The following OPHN1 variants were observed in gnomAD, a reference collection of about 807,000 sequenced individuals.
The protein encoded by OPHN1 is oligophrenin 1, also known as oligophrenin-1.
In OPHN1, 11 loss-of-function variants were observed where a neutral mutation model predicts 60.7. The observed-to-expected ratio is 0.18, with a 90% CI of 0.11 to 0.30. The LOEUF (loss-of-function observed/expected upper bound fraction) is 0.30, where lower values mean the gene tolerates loss of function less well. OPHN1 is among the 10% of genes least tolerant of loss of function. The probability of loss-of-function intolerance (pLI) is 1.00; values close to 1 mark genes in which losing one functional copy is unlikely to be tolerated. For missense variants in OPHN1, 449 were observed against 611.0 expected (o/e 0.73, Z 2.80); for synonymous variants, 226 against 222.6 (o/e 1.02, Z -0.14).
chrX:68,321,525 G>A (rs1874433544), intron 2 of OPHN1, among the ~76,000 whole-genome samples: 2 of 111,757 alleles, frequency 1.8e-5, no homozygotes, highest in Non-Finnish European at 3.8e-5. Context: ...AGGTTTGCAG[G>A]CTTCCATTCT....
intron 15 of OPHN1, among the ~76,000 whole-genome samples, chrX:68,130,703 A>G (rs2077190628): frequency 9.0e-6 from 1 of 111,593 alleles, no homozygotes; most frequent in Admixed American, 9.5e-5. Context: ...TGCCCTTCAC[A>G]TAACAAAAAG....
intron 15 of OPHN1, among the ~76,000 whole-genome samples, chrX:68,135,721 A>C (rs917626892): frequency 8.9e-6 from 1 of 112,449 alleles, no homozygotes; most frequent in African/African-American, 3.2e-5. Context: ...TTATGTATAT[A>C]ATTTGAAATA....
At chrX:68,366,997 T>A (rs917470576) in intron 2 of OPHN1, among the ~76,000 whole-genome samples, 4 of 110,852 alleles carry the variant, frequency 3.6e-5, no homozygotes, top group Non-Finnish European at 7.5e-5. Flanking sequence ...AAAAGAGTAG[T>A]CAGAGTGACA....
intron 5 of OPHN1, among the ~76,000 whole-genome samples, chrX:68,269,492 A>C (rs1483552739): frequency 8.9e-6 from 1 of 111,855 alleles, no homozygotes; most frequent in Non-Finnish European, 1.9e-5. Flanking sequence ...TGGGGAAACG[A>C]TTCCCTATTT....
At chrX:68,218,878 G>A (rs1342462740) in intron 6 of OPHN1, among the ~76,000 whole-genome samples, 2 of 90,927 alleles carry the variant, frequency 2.2e-5, no homozygotes, top group African/African-American at 8.1e-5. Context: ...CAACTAACGA[G>A]CAAAATAACC....
At chrX:68,323,004 A>G (rs1213808211) in intron 2 of OPHN1, among the ~76,000 whole-genome samples, 1 of 111,750 alleles carries the variant, frequency 8.9e-6, no homozygotes, top group East Asian at 2.8e-4. Flanking sequence ...TAGTTGCCAG[A>G]GGATACATGT....
At chrX:68,265,056 C>T (rs991188018) in intron 5 of OPHN1, among the ~76,000 whole-genome samples, 2 of 112,477 alleles carry the variant, frequency 1.8e-5, no homozygotes, top group African/African-American at 6.5e-5. Flanking sequence ...TGGAGCCCAC[C>T]GCAGCTCAAG....
intron 5 of OPHN1, among the ~76,000 whole-genome samples, chrX:68,256,084 C>T (rs961991893): frequency 9.0e-6 from 1 of 111,000 alleles, no homozygotes; most frequent in Non-Finnish European, 1.9e-5. Flanking sequence ...CTGCTCACTG[C>T]GAATGCACCA....
Position 68,049,029 on chromosome X carries a change from A to C in OPHN1, c.2376-572T>G, listed in dbSNP as rs2076841716. On this transcript the variant is annotated intron_variant, in intron 23 of 24. Coordinates refer to ENST00000355520, the MANE Select transcript of OPHN1 (RefSeq NM_002547.3). ...TTTCTCTTCTCTCCAGTCTGTTTAC[A>C]CTTACTCCCTGGAGGATCTTATTCC... 2.7e-5 allele frequency among the ~76,000 whole-genome samples: 3 copies of C among 111,194 alleles called. No individual in the cohort carries two copies. In the South Asian group the frequency reaches 1.1e-3, roughly 43 times the overall value.
At chrX:68,183,696 T>C (rs2077448935) in intron 15 of OPHN1, among the ~76,000 whole-genome samples, 1 of 112,380 alleles carries the variant, frequency 8.9e-6, no homozygotes, top group African/African-American at 3.2e-5. Flanking sequence ...TACTATTCTT[T>C]GTTGAAGGTG....
At chrX:68,342,860 G>A (rs185011436) in intron 2 of OPHN1, among the ~76,000 whole-genome samples, 74 of 111,722 alleles carry the variant, frequency 6.6e-4, no homozygotes, top group African/African-American at 2.3e-3. Context: ...AGGATCACCT[G>A]AGCCTGAGAG....
intron 12 of OPHN1, among the ~76,000 whole-genome samples, chrX:68,194,996 G>GAA (rs1269846925): frequency 4.5e-4 from 29 of 64,251 alleles, no homozygotes; most frequent in Non-Finnish European, 6.2e-4. Flanking sequence ...AAGAGAGAGA[G>GAA]AGAAAGAAAG....
At chrX:68,194,954 C>G (rs1300179135) in intron 12 of OPHN1, among the ~76,000 whole-genome samples, 3 of 91,384 alleles carry the variant, frequency 3.3e-5, no homozygotes, top group Admixed American at 2.8e-4. Context: ...GGCAACAGAG[C>G]GAGACTCTGT....
intron 2 of OPHN1, among the ~76,000 whole-genome samples, chrX:68,343,262 G>A (rs1264879215): frequency 1.2e-4 from 10 of 83,137 alleles, no homozygotes; most frequent in Non-Finnish European, 1.9e-4. Flanking sequence ...AGACAAGAGA[G>A]AAGCTCTGTC....
chrX:68,262,669 T>C (rs1208630616), intron 5 of OPHN1, among the ~76,000 whole-genome samples: 3 of 111,955 alleles, frequency 2.7e-5, no homozygotes, highest in African/African-American at 6.5e-5. Flanking sequence ...TGCCTGTAAT[T>C]CAAGCTACTT....
At chrX:68,254,200 T>G (rs2077850124) in intron 5 of OPHN1, among the ~76,000 whole-genome samples, 1 of 111,249 alleles carries the variant, frequency 9.0e-6, no homozygotes, top group African/African-American at 3.3e-5. Context: ...AGCATGAAGG[T>G]AGCAAAAGAA....
At chrX:68,095,493 G>A (rs1438123078) in intron 19 of OPHN1, among the ~76,000 whole-genome samples, 2 of 112,182 alleles carry the variant, frequency 1.8e-5, no homozygotes, top group African/African-American at 6.5e-5. Flanking sequence ...GATTCACATA[G>A]TCAACTGCTC....
intron 15 of OPHN1, among the ~76,000 whole-genome samples, chrX:68,145,407 C>A (rs776175261): frequency 9.0e-6 from 1 of 111,675 alleles, no homozygotes; most frequent in Non-Finnish European, 1.9e-5. Flanking sequence ...AATGCTTGCA[C>A]GCATGAACAG....
In OPHN1 at chrX:68,055,406, C is replaced by T. The variant is rs190205537; in HGVS notation, c.2159-1596G>A. ...TGCAAATCAAAACCACAATGAAATA[C>T]CATCTCACACCAGTTAGAATGGTGA... On this transcript the variant is annotated intron_variant, in intron 21 of 24. Coordinates refer to ENST00000355520, the MANE Select transcript of OPHN1 (RefSeq NM_002547.3). Among the ~76,000 whole-genome samples the T allele has an allele frequency of 4.7e-3, 531 of 112,189 alleles. 3 individuals are homozygous for T. The highest frequency in any genetic ancestry group is 7.5e-3 in the Non-Finnish European group (400 of 53,263).
Sources: gnomAD v4.1 joint callset for allele counts (sites outside exome capture counted in the v4.1 genomes callset) on GRCh38, gnomAD v4.1.1 for gene constraint, MANE v1.5 for transcripts, NCBI Gene and HGNC (gene_info 2026-07-23, HGNC 2026-07-21) for gene names.